The following ZDHHC1 variants were observed in gnomAD, a reference collection of about 807,000 sequenced individuals.
ZDHHC1 encodes the protein palmitoyltransferase ZDHHC1.
ZDHHC1 carries 45 observed loss-of-function variants against 46.9 expected under a neutral mutation model. That is an observed-to-expected ratio of 0.96 (90% CI 0.76 to 1.23). The LOEUF (loss-of-function observed/expected upper bound fraction) is 1.23. Ranked by LOEUF, ZDHHC1 falls within the 50% of genes most tolerant of loss-of-function variation. The probability of loss-of-function intolerance (pLI) is 0.00; values close to 1 mark genes in which losing one functional copy is unlikely to be tolerated. For synonymous variants in ZDHHC1, 291 were observed against 286.0 expected, an observed-to-expected ratio of 1.02 and a Z score of -0.18; for missense variants, 649 against 670.8, an observed-to-expected ratio of 0.97 and a Z score of 0.36.
At chr16:67,398,367 TC>T in intron 7 of ZDHHC1, 43 bp from the exon 8 acceptor site, 1 of 1,586,710 alleles carries the variant, frequency 6.3e-7, no homozygotes, top group Non-Finnish European at 8.6e-7. Flanking sequence ...GAAGGGGGAC[TC>T]TGGAGCTCAG....
intron 4 of ZDHHC1, 89 bp downstream of exon 4, chr16:67,400,868 A>C: frequency 6.8e-7 from 1 of 1,473,656 alleles, no homozygotes; most frequent in Non-Finnish European, 9.3e-7. Context: ...GTTCTGAGGC[A>C]TCAGGGATGT....
chr16:67,395,340 G>A, intron 9 of ZDHHC1, 60 bp from the exon 10 acceptor site: 1 of 1,496,144 alleles, frequency 6.7e-7, no homozygotes, highest in Non-Finnish European at 8.9e-7. Context: ...CCCCACTGGA[G>A]GTGCTGAGAG....
At chr16:67,399,220 C>T in intron 5 of ZDHHC1, 135 bp downstream of exon 5, 1 of 859,244 alleles carries the variant, frequency 1.2e-6, no homozygotes, top group Non-Finnish European at 1.8e-6. Flanking sequence ...CTCTGGGCAG[C>T]ACCCCCGCAT....
In ZDHHC1 at chr16:67,406,030, G is replaced by A. The variant is rs2040648100; in HGVS notation, c.252+170C>T. Among the ~76,000 whole-genome samples the A allele has an allele frequency of 1.3e-5, 2 of 152,324 alleles. No individual in the cohort carries two copies. Among genetic ancestry groups the A allele is most frequent in the East Asian group, 3.9e-4 (2 of 5,178 alleles). On this transcript the variant is annotated intron_variant, in intron 3 of 11. Transcript: ENST00000565726. This position sits in a 1 kb window ranked among gnomAD's most constrained non-coding sequence, Gnocchi z 4.1. ...CCCTATCAGGTGGAGAGGTCAGGTG[G>A]AGGCTGGAGACAGGCTGGGAAGCAG...
At chr16:67,411,042 T>C (rs2040741229) in intron 1 of ZDHHC1, among the ~76,000 whole-genome samples, 1 of 152,034 alleles carries the variant, frequency 6.6e-6, no homozygotes, top group African/African-American at 2.4e-5. Flanking sequence ...CGAACTACAT[T>C]ATAGTTACAT....
At chr16:67,415,142 A>C (rs2040812603) in intron 1 of ZDHHC1, among the ~76,000 whole-genome samples, 1 of 151,818 alleles carries the variant, frequency 6.6e-6, no homozygotes, top group Admixed American at 6.6e-5. Flanking sequence ...CTGGAAAATA[A>C]AAATAAAAAT....
At chr16:67,412,992 G>A (rs913760213) in intron 1 of ZDHHC1, among the ~76,000 whole-genome samples, 16 of 152,004 alleles carry the variant, frequency 1.1e-4, no homozygotes, top group Non-Finnish European at 1.6e-4. Flanking sequence ...TAATAGAGAC[G>A]GGGTTTCACC....
intron 2 of ZDHHC1, 60 bp downstream of exon 2, chr16:67,407,707 G>T: frequency 1.3e-6 from 1 of 780,174 alleles, no homozygotes; most frequent in South Asian, 1.3e-5. Context: ...CAAATGTGCT[G>T]GGTGGGGTTT....
At position 67,398,750 on chromosome 16, in the gene ZDHHC1, G is replaced by A; in HGVS notation, c.656-19C>T. The stretch of plus-strand genomic sequence containing the variant: ...TTCAGGACTGCAAGGCACAGGCAGT[G>A]TGTGCTCAGCCGGGGACGTGACGGG... On this transcript the variant is annotated intron_variant, in intron 6 of 11. Coordinates refer to ENST00000565726, the MANE Select transcript of ZDHHC1 (RefSeq NM_001323627.2). 4.3e-6 allele frequency: 7 copies of A among 1,611,134 alleles called. No individual in the cohort carries two copies. Among genetic ancestry groups the A allele is most frequent in the Non-Finnish European group, 5.9e-6 (7 of 1,178,998 alleles).
Position 67,406,083 on chromosome 16 carries a change from C to T in ZDHHC1, c.252+117G>A. 7.0e-7 allele frequency: 1 copy of T among 1,427,822 alleles called. No homozygotes were observed. The allele number at this position is 1,427,822 out of a possible 1,614,324, so 88.4% of individuals were successfully genotyped here. A position where few individuals can be genotyped will look rare whatever the true frequency, so the allele number is the denominator to read the frequency against. ...AGTCCCCAGGACTGGGCCCACCCTG[C>T]TCCACTCTCCTGACTGTGCTCCCCA... is the stretch of plus-strand genomic sequence containing the variant. On this transcript the variant is annotated intron_variant, in intron 3 of 11. Coordinates refer to ENST00000565726, the MANE Select transcript of ZDHHC1 (RefSeq NM_001323627.2). This position sits in a 1 kb window ranked among gnomAD's most constrained non-coding sequence, Gnocchi z 4.1.
intron 1 of ZDHHC1, among the ~76,000 whole-genome samples, chr16:67,413,687 C>T (rs943106717): frequency 6.6e-6 from 1 of 152,154 alleles, no homozygotes; most frequent in African/African-American, 2.4e-5. Flanking sequence ...TGCCTGTAAT[C>T]CCAGAACTTT....
chr16:67,394,637 C>T lies in ZDHHC1; in HGVS notation c.1422G>A (p.Pro474=). The part of the protein sequence containing the change: ...VSPSSGEPRA[P]GGREAGLA ...AAGCCAGACCAGCCTCCCGGCCGCC[C>T]GGCGCCCTGGGCTCGCCGCTGCTCG... is the stretch of plus-strand genomic sequence containing the variant. Residue 474 remains proline (P), a synonymous_variant, in exon 12 of 12, where the codon CCG becomes CCA. Coordinates refer to ENST00000565726, the MANE Select transcript of ZDHHC1 (RefSeq NM_001323627.2). 2.5e-6 allele frequency: 3 copies of T among 1,204,806 alleles called. No individual in the cohort carries two copies. The highest frequency in any genetic ancestry group is 2.1e-6 in the Non-Finnish European group (2 of 971,450). 74.6% of individuals were successfully genotyped at this position (1,204,806 alleles called of 1,614,324 possible).
intron 1 of ZDHHC1, among the ~76,000 whole-genome samples, 195 bp downstream of exon 1, chr16:67,415,976 G>A (rs1231791694): frequency 6.6e-6 from 1 of 151,784 alleles, no homozygotes; most frequent in Non-Finnish European, 1.5e-5. Flanking sequence ...ACAGAGCCTG[G>A]CAAAGAGTAA....
Position 67,400,948 on chromosome 16 carries a change from C to CA in ZDHHC1, c.428+8dup. On this transcript the variant is annotated intron_variant, in intron 4 of 11. Coordinates refer to ENST00000565726, the MANE Select transcript of ZDHHC1 (RefSeq NM_001323627.2). ...CACTCGGCAGCCACAAGCACCCACA[C>CA]ACACTCACACATCCACGTTGCACAA... is the stretch of plus-strand genomic sequence containing the variant. The CA allele has an allele frequency of 6.2e-7, 1 of 1,612,792 alleles. No homozygotes were observed. Among genetic ancestry groups the CA allele is most frequent in the Non-Finnish European group, 8.5e-7 (1 of 1,179,412 alleles).
At position 67,394,804 on chromosome 16, in the gene ZDHHC1, GGTAGGC is replaced by G; in HGVS notation, c.1249_1254del (p.Ala417_Tyr418del). ...TCCACGGACTCTGCCGACGCCGAGT[GGTAGGC>G]GCCGGCAGGGCCAGCGGCGTGCACA... On this transcript the variant is annotated inframe_deletion, in exon 12 of 12. Transcript: ENST00000565726. 3.9e-6 allele frequency: 6 copies of G among 1,532,060 alleles called. No individual in the cohort carries two copies. Among genetic ancestry groups the G allele is most frequent in the Non-Finnish European group, 5.2e-6 (6 of 1,143,634 alleles). 94.9% of individuals were successfully genotyped at this position (1,532,060 alleles called of 1,614,324 possible).
At chr16:67,410,217 G>A (rs972124056) in intron 1 of ZDHHC1, among the ~76,000 whole-genome samples, 4 of 152,152 alleles carry the variant, frequency 2.6e-5, no homozygotes, top group Non-Finnish European at 5.9e-5. Flanking sequence ...TGGGGGAAGC[G>A]GCACCACAGT....
At position 67,394,624 on chromosome 16, in the gene ZDHHC1, C is replaced by A; in HGVS notation, c.1435G>T (p.Ala479Ser). ...GEPRAPGGRE[A>S]GLA ...TCTCGGCCCAGCTAAGCCAGACCAG[C>A]CTCCCGGCCGCCCGGCGCCCTGGGC... The change falls in exon 12 of 12, where the codon GCT becomes TCT. Residue 479 changes from alanine to serine, a missense_variant. Coordinates refer to ENST00000565726, the MANE Select transcript of ZDHHC1 (RefSeq NM_001323627.2). 1 of 1,197,122 alleles carries A rather than the reference C, an allele frequency of 8.4e-7. No homozygotes were observed. The highest frequency in any genetic ancestry group is 1.0e-6 in the Non-Finnish European group (1 of 966,530). 74.2% of individuals were successfully genotyped at this position (1,197,122 alleles called of 1,614,324 possible). A position where few individuals can be genotyped will look rare whatever the true frequency, so the allele number is the denominator to read the frequency against.
chr16:67,398,405 G>A, intron 7 of ZDHHC1, 81 bp from the exon 8 acceptor site: 3 of 1,537,440 alleles, frequency 2.0e-6, no homozygotes, highest in Non-Finnish European at 2.6e-6. Flanking sequence ...ACCAGCCCCA[G>A]GCTGAAACCA....
intron 4 of ZDHHC1, among the ~76,000 whole-genome samples, 189 bp from the exon 5 acceptor site, chr16:67,399,645 G>C (rs769475356): frequency 6.6e-6 from 1 of 152,174 alleles, no homozygotes; most frequent in Admixed American, 6.5e-5. Flanking sequence ...AGGAGGCAGC[G>C]CTCCCGAAGA....
Sources: allele counts gnomAD v4.1 joint callset (sites outside exome capture counted in the v4.1 genomes callset), GRCh38; gene constraint gnomAD v4.1.1; non-coding constraint Gnocchi (gnomAD v3.1); transcripts MANE v1.5; gene names NCBI Gene and HGNC (gene_info 2026-07-23, HGNC 2026-07-21).